Variants in MTHFD2L observed in about 807,000 individuals in gnomAD.
The protein encoded by MTHFD2L is bifunctional methylenetetrahydrofolate dehydrogenase/cyclohydrolase 2, mitochondrial.
Under a neutral mutation model 34.9 loss-of-function variants are expected in MTHFD2L, and 29 were observed. That is an observed-to-expected ratio of 0.83 (90% CI 0.62 to 1.13). MTHFD2L has a LOEUF of 1.13. Ranked by LOEUF, MTHFD2L falls within the 50% of genes most tolerant of loss-of-function variation. The probability of loss-of-function intolerance (pLI) is 0.00; values close to 1 mark genes in which losing one functional copy is unlikely to be tolerated. For missense variants in MTHFD2L, 481 were observed against 446.5 expected, an observed-to-expected ratio of 1.08 and a Z score of -0.70; for synonymous variants, 167 against 155.7, an observed-to-expected ratio of 1.07 and a Z score of -0.54.
rs150760575 is a variant in MTHFD2L, at chr4:74,236,048, G to C, written c.805+10654G>C. ...TGTAATGTAAACTTCTTTAATAAAT[G>C]TTCCCAGCAGGCAGAATTTTTTGTT... is the stretch of plus-strand genomic sequence containing the variant. On this transcript the variant is annotated intron_variant, in intron 6 of 7. Transcript: ENST00000325278. Among the ~76,000 whole-genome samples the C allele has an allele frequency of 2.0e-3, 303 of 152,170 alleles. 1 individual carries two copies. The highest frequency in any genetic ancestry group is 6.8e-3 in the African/African-American group (282 of 41,532).
chr4:74,199,732 A>T, intron 3 of MTHFD2L, 62 bp from the exon 4 acceptor site: 1 of 1,431,706 alleles, frequency 7.0e-7, no homozygotes, highest in Non-Finnish European at 9.4e-7. Flanking sequence ...CTCAGATTTC[A>T]TTTTTCAGGC....
chr4:74,165,043 T>G (rs1026525865), intron 1 of MTHFD2L: 1 of 981,410 alleles, frequency 1.0e-6, no homozygotes, highest in African/African-American at 1.7e-5. Context: ...GGTCACTATG[T>G]AATTTTTTTG....
chr4:74,175,449 C>G, intron 3 of MTHFD2L, 46 bp downstream of exon 3: 1 of 1,560,356 alleles, frequency 6.4e-7, no homozygotes, highest in Non-Finnish European at 8.7e-7. Context: ...AAAAGTGAAA[C>G]AAAGGGCATC....
At chr4:74,145,304 C>T (rs952035083) in intron 1 of MTHFD2L, among the ~76,000 whole-genome samples, 1 of 152,028 alleles carries the variant, frequency 6.6e-6, no homozygotes, top group African/African-American at 2.4e-5. Context: ...ATAGCATATA[C>T]ATTGTATTGA....
intron 1 of MTHFD2L, among the ~76,000 whole-genome samples, chr4:74,129,067 G>C (rs1722281871): frequency 6.6e-6 from 1 of 151,610 alleles, no homozygotes; most frequent in East Asian, 1.9e-4. Flanking sequence ...TAATATTATA[G>C]GTTTTTGCAT....
chr4:74,143,496 A>T, intron 1 of MTHFD2L: 1 of 946,668 alleles, frequency 1.1e-6, no homozygotes, highest in Non-Finnish European at 1.3e-6. Context: ...GGGGCCATGG[A>T]TGGAAGGGGC....
In MTHFD2L at chr4:74,281,548, A is replaced by C; in HGVS notation, c.929A>C (p.Glu310Ala). The change falls in exon 7 of 8, where the codon GAA becomes GCA. Residue 310 changes from glutamate (E) to alanine (A), a missense_variant and splice_region_variant. Transcript: ENST00000325278. ...KTKLVGDVDF[E>A]AVKKKAGFIT... Reference sequence around the variant, plus strand: ...AAATTAGTTGGAGATGTGGACTTCGAAGGTAATAAACCAATATCTTTTGAT... The same window carrying C: ...AAATTAGTTGGAGATGTGGACTTCGCAGGTAATAAACCAATATCTTTTGAT... The C allele has an allele frequency of 1.2e-6, 2 of 1,611,438 alleles. No homozygotes were observed. The highest frequency in any genetic ancestry group is 1.1e-5 in the South Asian group (1 of 90,824).
intron 5 of MTHFD2L, among the ~76,000 whole-genome samples, chr4:74,212,839 G>C (rs1736565639): frequency 2.0e-5 from 3 of 152,210 alleles, no homozygotes; most frequent in Admixed American, 2.0e-4. Flanking sequence ...AACTCTCTCT[G>C]TAGGTCTCTA....
At chr4:74,131,463 A>T (rs1460272461) in intron 1 of MTHFD2L, among the ~76,000 whole-genome samples, 1 of 151,946 alleles carries the variant, frequency 6.6e-6, no homozygotes, top group Non-Finnish European at 1.5e-5. Context: ...TTGACAAACG[A>T]TAAAAATAAG....
chr4:74,229,793 A>C (rs1490235171), intron 6 of MTHFD2L, among the ~76,000 whole-genome samples: 4 of 152,150 alleles, frequency 2.6e-5, no homozygotes, highest in African/African-American at 9.7e-5. Context: ...ATGCAATTAG[A>C]AGTAAGTAGC....
chr4:74,214,203 A>G (rs1266588956), intron 5 of MTHFD2L, among the ~76,000 whole-genome samples: 2 of 151,748 alleles, frequency 1.3e-5, no homozygotes, highest in African/African-American at 4.9e-5. Flanking sequence ...TCTGAAGCCT[A>G]CTTCTGTCAA....
intron 3 of MTHFD2L, among the ~76,000 whole-genome samples, chr4:74,182,119 T>C (rs1730293800): frequency 6.6e-6 from 1 of 152,178 alleles, no homozygotes; most frequent in African/African-American, 2.4e-5. Context: ...GTTTTAGAAT[T>C]TATATTTCCT....
intron 1 of MTHFD2L, among the ~76,000 whole-genome samples, chr4:74,140,807 A>G (rs557717661): frequency 6.6e-6 from 1 of 152,316 alleles, no homozygotes; most frequent in Admixed American, 6.5e-5. Flanking sequence ...TTATAAAACC[A>G]TTAGCTCTCA....
chr4:74,302,175 T>C lies in MTHFD2L; in HGVS notation c.*366T>C, dbSNP rs550587580. On this transcript the variant is annotated 3_prime_UTR_variant, in exon 8 of 8. Coordinates refer to ENST00000325278, the MANE Select transcript of MTHFD2L (RefSeq NM_001144978.3). The stretch of plus-strand genomic sequence containing the variant: ...ATCCTGTCAGCCAAATGGTTACCCA[T>C]ATAAAATGTAATTTAGGTTTTGCTA... 1 of 158,382 alleles carries C rather than the reference T, an allele frequency of 6.3e-6. No individual in the cohort carries two copies. The highest frequency in any genetic ancestry group is 1.8e-4 in the East Asian group (1 of 5,530). The allele number at this position is 158,382 out of a possible 1,614,324, so 9.8% of individuals were successfully genotyped here.
intron 6 of MTHFD2L, among the ~76,000 whole-genome samples, chr4:74,270,413 A>G (rs1745815224): frequency 1.3e-5 from 2 of 151,926 alleles, no homozygotes; most frequent in African/African-American, 2.4e-5. Context: ...GAGTGAGAAC[A>G]TGCAGTGTTT....
At chr4:74,259,062 A>T (rs1317922325) in intron 6 of MTHFD2L, among the ~76,000 whole-genome samples, 2 of 152,194 alleles carry the variant, frequency 1.3e-5, no homozygotes, top group East Asian at 3.9e-4. Flanking sequence ...TTGAGCCATG[A>T]CCCACTACTT....
At chr4:74,185,708 T>C (rs1370180617) in intron 3 of MTHFD2L, among the ~76,000 whole-genome samples, 1 of 152,180 alleles carries the variant, frequency 6.6e-6, no homozygotes, top group Non-Finnish European at 1.5e-5. Context: ...AAGATATACA[T>C]TACCAAAGCT....
At chr4:74,244,750 A>C (rs1742177574) in intron 6 of MTHFD2L, among the ~76,000 whole-genome samples, 1 of 152,198 alleles carries the variant, frequency 6.6e-6, no homozygotes, top group Non-Finnish European at 1.5e-5. Flanking sequence ...CAAATTCTAC[A>C]TTGCAATTAA....
Position 74,201,254 on chromosome 4 carries a change from T to C in MTHFD2L, c.605-9T>C. 1 of 1,606,358 alleles carries C rather than the reference T, an allele frequency of 6.2e-7. No homozygotes were observed. Among genetic ancestry groups the C allele is most frequent in the Non-Finnish European group, 8.5e-7 (1 of 1,173,578 alleles). ...AATTCTGCATTTAAACCGAACTCTG[T>C]ATTTTAAGGAATTCAAACATTTGGA... On this transcript the variant is annotated splice_polypyrimidine_tract_variant and intron_variant, in intron 4 of 7. Coordinates refer to ENST00000325278, the MANE Select transcript of MTHFD2L (RefSeq NM_001144978.3).
Sources: gnomAD v4.1 joint callset for allele counts (sites outside exome capture counted in the v4.1 genomes callset) on GRCh38, gnomAD v4.1.1 for gene constraint, MANE v1.5 for transcripts, NCBI Gene and HGNC (gene_info 2026-07-23, HGNC 2026-07-21) for gene names.